The following MAP4 variants were observed in gnomAD, a reference collection of about 807,000 sequenced individuals.
MAP4 encodes microtubule-associated protein 4.
MAP4 carries 76 observed loss-of-function variants against 170.2 expected under a neutral mutation model. The observed-to-expected ratio is 0.45, with a 90% CI of 0.37 to 0.54. The LOEUF is 0.54. MAP4 is among the 20% of genes least tolerant of loss of function. The pLI, the probability that MAP4 is intolerant of heterozygous loss-of-function variation, is 0.00. For synonymous variants in MAP4, 909 were observed against 994.5 expected, an observed-to-expected ratio of 0.91 and a Z score of 1.62; for missense variants, 2,506 against 2,748.0, an observed-to-expected ratio of 0.91 and a Z score of 1.97.
chr3:48,004,840 C>G (rs574604931), intron 1 of MAP4, among the ~76,000 whole-genome samples: 1 of 152,070 alleles, frequency 6.6e-6, no homozygotes, highest in Non-Finnish European at 1.5e-5. Context: ...GCATAACCCC[C>G]CATCCCCGCC....
intron 1 of MAP4, among the ~76,000 whole-genome samples, chr3:48,059,889 A>G (rs2100134303): frequency 6.6e-6 from 1 of 151,778 alleles, no homozygotes. Context: ...CTGAGGCAGG[A>G]GAATTGCTTG....
chr3:47,890,179 AAC>A, intron 10 of MAP4, among the ~76,000 whole-genome samples: 1 of 152,180 alleles, frequency 6.6e-6, no homozygotes, highest in East Asian at 1.9e-4. Flanking sequence ...GACTCGGAGA[AAC>A]ACAAGCTTTT....
intron 3 of MAP4, among the ~76,000 whole-genome samples, chr3:47,937,284 A>T (rs980764309): frequency 2.6e-5 from 4 of 152,212 alleles, no homozygotes; most frequent in African/African-American, 9.7e-5. Flanking sequence ...AGTAGATGAA[A>T]GTACTCATTA....
intron 1 of MAP4, among the ~76,000 whole-genome samples, chr3:48,028,097 G>A (rs2100114040): frequency 6.6e-6 from 1 of 152,114 alleles, no homozygotes; most frequent in African/African-American, 2.4e-5. Flanking sequence ...TTTGAGATCA[G>A]CCTGGCCAAC....
intron 1 of MAP4, among the ~76,000 whole-genome samples, chr3:48,070,652 A>C (rs1195633610): frequency 1.3e-5 from 2 of 151,730 alleles, no homozygotes; most frequent in Non-Finnish European, 2.9e-5. Flanking sequence ...ACAGGTTGGA[A>C]GTGTGGACCC....
chr3:47,957,676 T>C (rs1262862379), intron 3 of MAP4, among the ~76,000 whole-genome samples: 1 of 152,184 alleles, frequency 6.6e-6, no homozygotes, highest in African/African-American at 2.4e-5. Flanking sequence ...AATGGGCTCA[T>C]GTCCATGGAC....
At chr3:47,958,387 CAA>C (rs2100069162) in intron 3 of MAP4, among the ~76,000 whole-genome samples, 1 of 152,180 alleles carries the variant, frequency 6.6e-6, no homozygotes, top group African/African-American at 2.4e-5. Context: ...GCCTAGATAT[CAA>C]CTGTGGCCTC....
chr3:47,862,793 A>G (rs1438477896), intron 17 of MAP4, among the ~76,000 whole-genome samples: 1 of 152,138 alleles, frequency 6.6e-6, no homozygotes, highest in Non-Finnish European at 1.5e-5. Context: ...TGAAGTATTA[A>G]CAAATAAATA....
At chr3:47,892,883 C>T in intron 10 of MAP4, 1 of 1,002,150 alleles carries the variant, frequency 1.0e-6, no homozygotes, top group Non-Finnish European at 1.2e-6. Context: ...TGCATACCCA[C>T]ACACTCATTT....
intron 3 of MAP4, chr3:47,974,067 T>C (rs1362505592): frequency 5.1e-6 from 5 of 985,212 alleles, no homozygotes; most frequent in East Asian, 2.3e-4. Context: ...AAGGATTCAG[T>C]TTAAACTTTC....
At chr3:48,025,164 T>G (rs2100112373) in intron 1 of MAP4, among the ~76,000 whole-genome samples, 1 of 152,158 alleles carries the variant, frequency 6.6e-6, no homozygotes, top group African/African-American at 2.4e-5. Context: ...TAGAACTGTA[T>G]AAGATTGTGG....
rs1336210265 is a variant in MAP4 at position 47,939,589 on chromosome 3, T to TA, written c.293-11240dup. 4.6e-5 allele frequency among the ~76,000 whole-genome samples: 7 copies of TA among 152,036 alleles called. 1 individual carries two copies. Among genetic ancestry groups the TA allele is most frequent in the African/African-American group, 1.4e-4 (6 of 41,416 alleles). On this transcript the variant is annotated intron_variant, in intron 3 of 20. Transcript: ENST00000683076. ...AGGTTGGTGACATAATGTTTTTTTT[T>TA]AAAAAAGCATAAGGAATTCCAAAAT...
intron 2 of MAP4, among the ~76,000 whole-genome samples, chr3:47,988,315 T>C (rs2100090145): frequency 6.6e-6 from 1 of 151,304 alleles, no homozygotes; most frequent in Non-Finnish European, 1.5e-5. Flanking sequence ...ATGACCCAAT[T>C]GAAAGAAAAG....
chr3:47,983,008 CT>C (rs1559697200), intron 2 of MAP4, among the ~76,000 whole-genome samples: 1 of 151,804 alleles, frequency 6.6e-6, no homozygotes, highest in African/African-American at 2.4e-5. Context: ...AGCAATTCTC[CT>C]GTCTCAACAT....
intron 10 of MAP4, among the ~76,000 whole-genome samples, chr3:47,886,252 G>T (rs1267407689): frequency 1.3e-5 from 2 of 152,184 alleles, no homozygotes; most frequent in Non-Finnish European, 2.9e-5. Flanking sequence ...CCAGAAGGTA[G>T]TTCTCACCAA....
At chr3:48,011,918 A>G (rs1420828064) in intron 1 of MAP4, among the ~76,000 whole-genome samples, 2 of 152,216 alleles carry the variant, frequency 1.3e-5, no homozygotes, top group African/African-American at 2.4e-5. Flanking sequence ...TAGAGGCAAG[A>G]GGCAAACAAA....
At chr3:47,896,011 G>C (rs961606721) in intron 10 of MAP4, among the ~76,000 whole-genome samples, 21 of 152,102 alleles carry the variant, frequency 1.4e-4, no homozygotes, top group African/African-American at 2.7e-4. Context: ...TCTGGGGTGG[G>C]GGGGCGGTCA....
At chr3:47,936,126 CAAA>C in intron 3 of MAP4, among the ~76,000 whole-genome samples, 1 of 150,606 alleles carries the variant, frequency 6.6e-6, no homozygotes, top group Non-Finnish European at 1.5e-5. Flanking sequence ...GGGAGAGAGA[CAAA>C]GAAGGAGAAG....
chr3:47,914,945 G>A lies in MAP4; in HGVS notation c.1877-6C>T, dbSNP rs751880648. The A allele has an allele frequency of 6.2e-7, 1 of 1,613,956 alleles. No individual in the cohort carries two copies. Among genetic ancestry groups the A allele is most frequent in the South Asian group, 1.1e-5 (1 of 91,038 alleles). ...CCCCGTTCCTGTGACGGTTTCTAAAGGTAATAACAAAAGCCACACACGTTT... is the reference window on the plus strand; with the variant it reads ...CCCCGTTCCTGTGACGGTTTCTAAAAGTAATAACAAAAGCCACACACGTTT... On this transcript the variant is annotated splice_region_variant and splice_polypyrimidine_tract_variant and intron_variant, in intron 7 of 20. Transcript: ENST00000683076.
Sources: allele counts gnomAD v4.1 joint callset (sites outside exome capture counted in the v4.1 genomes callset), GRCh38; gene constraint gnomAD v4.1.1; transcripts MANE v1.5; gene names NCBI Gene and HGNC (gene_info 2026-07-23, HGNC 2026-07-21).